SPTBN1: variants seen among roughly 807,000 people sequenced by gnomAD.
SPTBN1 encodes spectrin beta chain, non-erythrocytic 1.
A neutral mutation model predicts 266.4 loss-of-function variants in SPTBN1; 32 were observed. That is an observed-to-expected ratio of 0.12 (90% CI 0.09 to 0.16). SPTBN1 has a LOEUF of 0.16. Ranked by LOEUF, SPTBN1 falls within the 10% of genes least tolerant of loss-of-function variation. SPTBN1 has a pLI of 1.00. For missense variants in SPTBN1, 2,296 were observed against 3,067.1 expected (o/e 0.75, Z 5.94); for synonymous variants, 1,336 against 1,162.2 (o/e 1.15, Z -3.04).
chr2:54,552,186 C>A (rs890413003), intron 2 of SPTBN1, among the ~76,000 whole-genome samples: 1 of 152,148 alleles, frequency 6.6e-6, no homozygotes, highest in East Asian at 1.9e-4. Flanking sequence ...CTGATAGCTT[C>A]CTTGGTGAAG....
chr2:54,637,944 C>T lies in SPTBN1; in HGVS notation c.3858+141C>T, dbSNP rs144114418. ...CCCATTTGACTCGCAGGCAGGGATACGTGGCACTTCATCAGTTCTCCAGCC... is the reference window on the plus strand; with the variant it reads ...CCCATTTGACTCGCAGGCAGGGATATGTGGCACTTCATCAGTTCTCCAGCC... On this transcript the variant is annotated intron_variant, in intron 18 of 35. Transcript: ENST00000356805. 644 of 650,358 alleles carry T rather than the reference C, an allele frequency of 9.9e-4. 1 individual carries two copies. Among genetic ancestry groups the T allele is most frequent in the Non-Finnish European group, 1.4e-3 (539 of 376,116 alleles). 40.3% of individuals were successfully genotyped at this position (650,358 alleles called of 1,614,324 possible).
chr2:54,584,344 A>C (rs1479661969), intron 2 of SPTBN1, among the ~76,000 whole-genome samples: 1 of 152,174 alleles, frequency 6.6e-6, no homozygotes, highest in African/African-American at 2.4e-5. Context: ...ATTATTTTTT[A>C]AATCTGTAGT....
Position 54,565,512 on chromosome 2 carries a change from A to G in SPTBN1, c.149-33580A>G, listed in dbSNP as rs148011223. ...ACAGTTGGCTCAAGAGCCACTATAGAAAGAGATATAAGTTTAGAAAAAATA... is the reference window on the plus strand; with the variant it reads ...ACAGTTGGCTCAAGAGCCACTATAGGAAGAGATATAAGTTTAGAAAAAATA... On this transcript the variant is annotated intron_variant, in intron 2 of 35. Transcript: ENST00000356805. Among the ~76,000 whole-genome samples the G allele has an allele frequency of 1.3e-3, 197 of 152,328 alleles. 4 individuals are homozygous for G. The South Asian group carries it at 0.036, about 28-fold the overall frequency.
At chr2:54,625,558 G>A (rs533896423) in intron 11 of SPTBN1, among the ~76,000 whole-genome samples, 2 of 151,388 alleles carry the variant, frequency 1.3e-5, no homozygotes, top group Non-Finnish European at 2.9e-5. Flanking sequence ...TTTTTGGAGG[G>A]GGGGTGGCGC....
At chr2:54,547,440 T>C (rs1672311401) in intron 2 of SPTBN1, among the ~76,000 whole-genome samples, 1 of 152,226 alleles carries the variant, frequency 6.6e-6, no homozygotes, top group African/African-American at 2.4e-5. Flanking sequence ...AGTGTCTCTT[T>C]GAGATCCTGC....
intron 26 of SPTBN1, 49 bp downstream of exon 26, chr2:54,650,038 G>T (rs1316585311): frequency 1.3e-6 from 2 of 1,549,828 alleles, no homozygotes; most frequent in Non-Finnish European, 1.7e-6. Context: ...TTTCTCCATA[G>T]AACATCTTTG....
Position 54,626,910 on chromosome 2 carries a change from C to T in SPTBN1, c.1644+676C>T, listed in dbSNP as rs1254985018. Among the ~76,000 whole-genome samples the T allele has an allele frequency of 6.6e-6, 1 of 152,170 alleles. No individual in the cohort carries two copies. Among genetic ancestry groups the T allele is most frequent in the Admixed American group, 6.5e-5 (1 of 15,290 alleles). ...TCCCAGGAAGAGACCTGCTATCATG[C>T]CATGGCCCTGTACCTGTTCATGTCC... On this transcript the variant is annotated intron_variant, in intron 12 of 35. Transcript: ENST00000356805. The surrounding 1 kb of genome is among the most constrained non-coding windows in gnomAD (Gnocchi z 4.7).
intron 2 of SPTBN1, among the ~76,000 whole-genome samples, chr2:54,569,877 C>A (rs1673934580): frequency 6.6e-6 from 1 of 152,078 alleles, no homozygotes; most frequent in Non-Finnish European, 1.5e-5. Context: ...GCCTCAACTC[C>A]CACCCCCACC....
chr2:54,612,351 A>G lies in SPTBN1; in HGVS notation c.474+17A>G, dbSNP rs756494499. 1.9e-6 allele frequency: 3 copies of G among 1,599,794 alleles called. No homozygotes were observed. ...CGCTTCCAGGTAAGGGTCTCTGCCC[A>G]GGGTTGCTCAGAACTTAGGCCGACC... On this transcript the variant is annotated intron_variant, in intron 4 of 35. Coordinates refer to ENST00000356805, the MANE Select transcript of SPTBN1 (RefSeq NM_003128.3).
At chr2:54,536,340 C>G (rs1053145362) in intron 2 of SPTBN1, among the ~76,000 whole-genome samples, 4 of 152,188 alleles carry the variant, frequency 2.6e-5, no homozygotes, top group African/African-American at 9.7e-5. Context: ...TTAAATTTAA[C>G]AGTGCAACGC....
At chr2:54,482,379 T>G in intron 1 of SPTBN1, among the ~76,000 whole-genome samples, 1 of 150,822 alleles carries the variant, frequency 6.6e-6, no homozygotes. Context: ...AAGAAAAAAT[T>G]AGAAACAATT....
At chr2:54,477,357 C>G (rs1268937210) in intron 1 of SPTBN1, among the ~76,000 whole-genome samples, 3 of 151,120 alleles carry the variant, frequency 2.0e-5, no homozygotes, top group Non-Finnish European at 4.4e-5. Flanking sequence ...TTGATAAAGA[C>G]TAAACTCTCT....
Position 54,625,947 on chromosome 2 carries a change from G to C in SPTBN1, c.1357G>C (p.Asp453His), listed in dbSNP as rs767109477. The C allele has an allele frequency of 6.2e-7, 1 of 1,613,482 alleles. No homozygotes were observed. The highest frequency in any genetic ancestry group is 8.5e-7 in the Non-Finnish European group (1 of 1,179,508). The change falls in exon 12 of 36, where the codon GAC becomes CAC. Residue 453 changes from aspartate to histidine, a missense_variant. Transcript: ENST00000356805. ...TTCTCTGTAGGACAACTTTGGGTTT[G>C]ACCTTCCTGCAGTTGAGGCCGCCAC... Reference protein sequence around the residue: ...RLVSQDNFGFDLPAVEAATKK... With the variant: ...RLVSQDNFGFHLPAVEAATKK...
At chr2:54,515,087 C>A (rs958517798) in intron 1 of SPTBN1, among the ~76,000 whole-genome samples, 1 of 152,270 alleles carries the variant, frequency 6.6e-6, no homozygotes, top group African/African-American at 2.4e-5. Context: ...ATTTTGCAGA[C>A]CCTGTCCTCG....
intron 2 of SPTBN1, among the ~76,000 whole-genome samples, chr2:54,542,191 G>A (rs1671978018): frequency 6.6e-6 from 1 of 152,264 alleles, no homozygotes; most frequent in Non-Finnish European, 1.5e-5. Flanking sequence ...GTGAAAACAA[G>A]TCTGTGGTCA....
rs114245278 is a variant in SPTBN1, at chr2:54,638,477, A to G, written c.3858+674A>G. On this transcript the variant is annotated intron_variant, in intron 18 of 35. Transcript: ENST00000356805. Reference sequence around the variant, plus strand: ...TGTATCTAACATGCAAAGAGCAGTAATGCTGATTCCAAGCACCAAGTTTTA... The same window carrying G: ...TGTATCTAACATGCAAAGAGCAGTAGTGCTGATTCCAAGCACCAAGTTTTA... Among the ~76,000 whole-genome samples the G allele has an allele frequency of 9.4e-3, 1,435 of 152,380 alleles. 25 individuals are homozygous for G. Among genetic ancestry groups the G allele is most frequent in the African/African-American group, 0.032 (1,311 of 41,588 alleles).
At chr2:54,553,788 G>GA (rs1216375989) in intron 2 of SPTBN1, among the ~76,000 whole-genome samples, 1 of 152,178 alleles carries the variant, frequency 6.6e-6, no homozygotes, top group Non-Finnish European at 1.5e-5. Context: ...ACTGAGTCTT[G>GA]ATAGTGTCTG....
At chr2:54,526,302 A>G (rs904860941) in intron 1 of SPTBN1, 70 bp from the exon 2 acceptor site, 2 of 1,279,308 alleles carry the variant, frequency 1.6e-6, no homozygotes, top group African/African-American at 3.0e-5. Flanking sequence ...GCTCACTCTT[A>G]TCCCAGTTGG....
At chr2:54,631,955 T>C (rs2103945202) in intron 16 of SPTBN1, among the ~76,000 whole-genome samples, 1 of 152,072 alleles carries the variant, frequency 6.6e-6, no homozygotes, top group African/African-American at 2.4e-5. Context: ...CTCACTCCTG[T>C]AATCCCAGCT....
Sources: gnomAD v4.1 joint callset for allele counts (sites outside exome capture counted in the v4.1 genomes callset) on GRCh38, gnomAD v4.1.1 for gene constraint, Gnocchi (gnomAD v3.1) non-coding constraint, MANE v1.5 for transcripts, NCBI Gene and HGNC (gene_info 2026-07-23, HGNC 2026-07-21) for gene names.